AGAP1: variants seen among roughly 807,000 people sequenced by gnomAD.
AGAP1 encodes the protein ArfGAP with GTPase domain, ankyrin repeat and PH domain 1, also known as arf-GAP with GTPase, ANK repeat and PH domain-containing protein 1.
In AGAP1, 29 loss-of-function variants were observed where a neutral mutation model predicts 105.3. The observed-to-expected ratio is 0.28, with a 90% CI of 0.21 to 0.38. The LOEUF is 0.38. Ranked by LOEUF, AGAP1 falls within the 10% of genes least tolerant of loss-of-function variation. AGAP1 has a pLI of 1.00. For missense variants in AGAP1, 998 were observed against 1,165.1 expected (o/e 0.86, Z 2.09); for synonymous variants, 509 against 485.9 (o/e 1.05, Z -0.63).
chr2:235,829,711 T>C (rs987564254), intron 9 of AGAP1, among the ~76,000 whole-genome samples: 1 of 152,232 alleles, frequency 6.6e-6, no homozygotes, highest in Non-Finnish European at 1.5e-5. Context: ...TCAAACTCCA[T>C]GGGGGCTTGG....
At position 236,051,554 on chromosome 2, in the gene AGAP1, G is replaced by A. The variant is rs974987413; in HGVS notation, c.2114+2273G>A. Among the ~76,000 whole-genome samples, 9 of 152,156 alleles carry A rather than the reference G, an allele frequency of 5.9e-5. No homozygotes were observed. The highest frequency in any genetic ancestry group is 1.7e-4 in the African/African-American group (7 of 41,436). ...GCCTCGGTGGATGCAGGCTCGGCCGGGCCTGTGGGGAGGTGTGCCTGTCGG... is the reference window on the plus strand; with the variant it reads ...GCCTCGGTGGATGCAGGCTCGGCCGAGCCTGTGGGGAGGTGTGCCTGTCGG... On this transcript the variant is annotated intron_variant, in intron 16 of 17. Transcript: ENST00000304032. The surrounding 1 kb of genome is among the most constrained non-coding windows in gnomAD (Gnocchi z 5.9).
chr2:235,830,043 C>G lies in AGAP1; in HGVS notation c.1050+22712C>G, dbSNP rs755521167. ...CACAGTCAGAAGGAAGACTGGGGGT[C>G]GGGGTGGGACAGCATGATGCAGAGC... On this transcript the variant is annotated intron_variant, in intron 9 of 17. Coordinates refer to ENST00000304032, the MANE Select transcript of AGAP1 (RefSeq NM_001037131.3). This position sits in a 1 kb window ranked among gnomAD's most constrained non-coding sequence, Gnocchi z 5.5. Among the ~76,000 whole-genome samples the G allele has an allele frequency of 9.9e-5, 15 of 152,094 alleles. No individual in the cohort carries two copies. Among genetic ancestry groups the G allele is most frequent in the Admixed American group, 2.0e-4 (3 of 15,284 alleles).
In AGAP1 at chr2:235,698,737, GGC is replaced by G. The variant is rs1410263012; in HGVS notation, c.164-10439_164-10438del. Among the ~76,000 whole-genome samples, 10 of 152,316 alleles carry G rather than the reference GGC, an allele frequency of 6.6e-5. No homozygotes were observed. In the East Asian group the frequency reaches 1.5e-3, roughly 24 times the overall value. On this transcript the variant is annotated intron_variant, in intron 1 of 17. Transcript: ENST00000304032. ...GTGTGACAGCTGGCGTTCTGGTGGT[GGC>G]GCTCAGTGTGTTCCTACAGTCATTT...
intron 6 of AGAP1, chr2:235,774,423 C>G (rs750337492): frequency 8.5e-6 from 4 of 468,550 alleles, no homozygotes; most frequent in South Asian, 6.2e-5. Context: ...TCCCTTCCAT[C>G]ACGGCAGGCA....
intron 10 of AGAP1, among the ~76,000 whole-genome samples, chr2:235,903,151 T>C (rs889255711): frequency 6.6e-6 from 1 of 151,794 alleles, no homozygotes; most frequent in Non-Finnish European, 1.5e-5. Flanking sequence ...ATATAAAATA[T>C]TATATTTCTC....
rs1416422081 is a variant in AGAP1 at position 235,960,834 on chromosome 2, C to A, written c.1484-7628C>A. ...AATAGACTTCACTCATGGACTCAGT[C>A]GTTCGCCTAAAAATAGATTCCAAAT... On this transcript the variant is annotated intron_variant, in intron 12 of 17. Coordinates refer to ENST00000304032, the MANE Select transcript of AGAP1 (RefSeq NM_001037131.3). This position sits in a 1 kb window ranked among gnomAD's most constrained non-coding sequence, Gnocchi z 4.9. Among the ~76,000 whole-genome samples, 1 of 152,158 alleles carries A rather than the reference C, an allele frequency of 6.6e-6. No homozygotes were observed. The highest frequency in any genetic ancestry group is 2.1e-4 in the South Asian group (1 of 4,820).
chr2:235,580,243 C>T (rs1944885232), intron 1 of AGAP1, among the ~76,000 whole-genome samples: 2 of 152,114 alleles, frequency 1.3e-5, no homozygotes, highest in Non-Finnish European at 2.9e-5. Context: ...GCCATTTTCA[C>T]CTCTTTGGAG....
Position 235,577,671 on chromosome 2 carries a change from C to G in AGAP1, c.163+82822C>G, listed in dbSNP as rs73996168. Among the ~76,000 whole-genome samples the G allele has an allele frequency of 6.6e-6, 1 of 152,134 alleles. No homozygotes were observed. The highest frequency in any genetic ancestry group is 1.5e-5 in the Non-Finnish European group (1 of 68,040). ...GTTAACTCTGAGCATTCGGAACATTCGCCGAGTGGAACGTGTGTGTCGTCA... is the reference window on the plus strand; with the variant it reads ...GTTAACTCTGAGCATTCGGAACATTGGCCGAGTGGAACGTGTGTGTCGTCA... On this transcript the variant is annotated intron_variant, in intron 1 of 17. Coordinates refer to ENST00000304032, the MANE Select transcript of AGAP1 (RefSeq NM_001037131.3). This position sits in a 1 kb window ranked among gnomAD's most constrained non-coding sequence, Gnocchi z 4.5.
In AGAP1 at chr2:235,566,152, C is replaced by T. The variant is rs780488515; in HGVS notation, c.163+71303C>T. Reference sequence around the variant, plus strand: ...TGTCGCCCAGGCTAGAGTGCAGTGGCGCAACCTCGGCTCACTGCAACCTCT... The same window carrying T: ...TGTCGCCCAGGCTAGAGTGCAGTGGTGCAACCTCGGCTCACTGCAACCTCT... On this transcript the variant is annotated intron_variant, in intron 1 of 17. Coordinates refer to ENST00000304032, the MANE Select transcript of AGAP1 (RefSeq NM_001037131.3). This position sits in a 1 kb window ranked among gnomAD's most constrained non-coding sequence, Gnocchi z 5.2. Among the ~76,000 whole-genome samples, 8 of 152,064 alleles carry T rather than the reference C, an allele frequency of 5.3e-5. No homozygotes were observed. The highest frequency in any genetic ancestry group is 1.9e-4 in the East Asian group (1 of 5,150).
At chr2:235,522,155 G>A (rs1942647220) in intron 1 of AGAP1, among the ~76,000 whole-genome samples, 1 of 152,174 alleles carries the variant, frequency 6.6e-6, no homozygotes, top group Admixed American at 6.5e-5. Flanking sequence ...GAGGCTTCCT[G>A]GCAGTTCCTT....
intron 6 of AGAP1, among the ~76,000 whole-genome samples, chr2:235,760,656 G>A (rs1954362770): frequency 6.6e-6 from 1 of 152,184 alleles, no homozygotes; most frequent in South Asian, 2.1e-4. Flanking sequence ...TGCCATCATA[G>A]CTCACTGCAG....
At chr2:235,811,290 A>G (rs1248489791) in intron 9 of AGAP1, among the ~76,000 whole-genome samples, 1 of 152,254 alleles carries the variant, frequency 6.6e-6, no homozygotes, top group Non-Finnish European at 1.5e-5. Context: ...TCCAGGCTGC[A>G]TAAACCGTTC....
chr2:235,950,576 G>T (rs1232391350), intron 12 of AGAP1, among the ~76,000 whole-genome samples: 1 of 152,038 alleles, frequency 6.6e-6, no homozygotes, highest in East Asian at 1.9e-4. Flanking sequence ...CACCCCAGGG[G>T]ATGAAGGCTG....
chr2:235,665,572 C>A lies in AGAP1; in HGVS notation c.164-43607C>A, dbSNP rs1356921293. On this transcript the variant is annotated intron_variant, in intron 1 of 17. Coordinates refer to ENST00000304032, the MANE Select transcript of AGAP1 (RefSeq NM_001037131.3). This position sits in a 1 kb window ranked among gnomAD's most constrained non-coding sequence, Gnocchi z 5.3. ...TTAGAAACCATTCTACCATGACATTCTCAGATGAGAATTTGAGTCTTATGC... is the reference window on the plus strand; with the variant it reads ...TTAGAAACCATTCTACCATGACATTATCAGATGAGAATTTGAGTCTTATGC... Among the ~76,000 whole-genome samples the A allele has an allele frequency of 6.6e-6, 1 of 152,204 alleles. No individual in the cohort carries two copies. Among genetic ancestry groups the A allele is most frequent in the Non-Finnish European group, 1.5e-5 (1 of 68,040 alleles).
At chr2:235,766,991 G>A (rs1004767884) in intron 6 of AGAP1, among the ~76,000 whole-genome samples, 1 of 145,332 alleles carries the variant, frequency 6.9e-6, no homozygotes, top group Non-Finnish European at 1.5e-5. Flanking sequence ...TTGGCTCACT[G>A]CAACCTCTGC....
chr2:235,613,319 A>T (rs1946200876), intron 1 of AGAP1, among the ~76,000 whole-genome samples: 1 of 152,184 alleles, frequency 6.6e-6, no homozygotes, highest in African/African-American at 2.4e-5. Context: ...TTTACCTGAG[A>T]TTTTTGAGGC....
chr2:235,651,356 C>G (rs555754381), intron 1 of AGAP1, among the ~76,000 whole-genome samples: 11 of 152,180 alleles, frequency 7.2e-5, no homozygotes, highest in Admixed American at 1.3e-4. Flanking sequence ...CAGCAATGTT[C>G]TTAACATGTT....
rs576090307 is a variant in AGAP1 at position 235,924,535 on chromosome 2, C to T, written c.1325-6230C>T. Among the ~76,000 whole-genome samples, 8 of 152,284 alleles carry T rather than the reference C, an allele frequency of 5.3e-5. No individual in the cohort carries two copies. The South Asian group carries it at 1.2e-3, about 24-fold the overall frequency. ...GGCGGCAGCTTCTGCATACCGGGTC[C>T]CATCTTCCCCTACTCGCGAGTTAGC... On this transcript the variant is annotated intron_variant, in intron 11 of 17. Transcript: ENST00000304032.
Position 235,559,516 on chromosome 2 carries a change from G to A in AGAP1, c.163+64667G>A, listed in dbSNP as rs116092879. On this transcript the variant is annotated intron_variant, in intron 1 of 17. Coordinates refer to ENST00000304032, the MANE Select transcript of AGAP1 (RefSeq NM_001037131.3). This position sits in a 1 kb window ranked among gnomAD's most constrained non-coding sequence, Gnocchi z 5.7. Reference sequence around the variant, plus strand: ...CAGTTTTTCATTATGTAAATAATGTGTACTCAGTGTAGAAAAAATTAGCAC... The same window carrying A: ...CAGTTTTTCATTATGTAAATAATGTATACTCAGTGTAGAAAAAATTAGCAC... Among the ~76,000 whole-genome samples the A allele has an allele frequency of 5.5e-3, 835 of 152,272 alleles. 7 individuals carry two copies. Among genetic ancestry groups the A allele is most frequent in the African/African-American group, 0.019 (777 of 41,550 alleles).
Sources: allele counts gnomAD v4.1 joint callset (sites outside exome capture counted in the v4.1 genomes callset), GRCh38; gene constraint gnomAD v4.1.1; non-coding constraint Gnocchi (gnomAD v3.1); transcripts MANE v1.5; gene names NCBI Gene and HGNC (gene_info 2026-07-23, HGNC 2026-07-21).